The following EMC1 variants were observed in gnomAD, a reference collection of about 807,000 sequenced individuals.
EMC1 encodes the protein ER membrane protein complex subunit 1.
EMC1 carries 103 observed loss-of-function variants against 128.8 expected under a neutral mutation model. That is an observed-to-expected ratio of 0.80 (90% CI 0.68 to 0.94). The LOEUF is 0.94. Ranked by LOEUF, EMC1 falls within the 40% of genes least tolerant of loss-of-function variation. EMC1 has a pLI of 0.00. For missense variants in EMC1, 1,083 were observed against 1,250.6 expected (o/e 0.87, Z 2.02); for synonymous variants, 442 against 490.4 (o/e 0.90, Z 1.30).
chr1:19,236,105 G>A (rs1348818081), intron 12 of EMC1, among the ~76,000 whole-genome samples: 2 of 152,154 alleles, frequency 1.3e-5, no homozygotes, highest in East Asian at 3.9e-4. Flanking sequence ...GCCGGGCATA[G>A]TGGCTCATGC....
rs755969608 is a variant in EMC1, at chr1:19,227,445, G to A, written c.2070C>T (p.Leu690=). Reference sequence around the variant, plus strand: ...TCAGCTCCCAACTCAGCTCAGTGGTGAGATCCTAGGGCAGGGGCAAAAAAG... The same window carrying A: ...TCAGCTCCCAACTCAGCTCAGTGGTAAGATCCTAGGGCAGGGGCAAAAAAG... The part of the protein sequence containing the change: ...RLCGYRLRKD[L]TTELSWELTI... Residue 690 remains leucine (L), a synonymous_variant, in exon 18 of 23, where the codon CTC becomes CTT. Coordinates refer to ENST00000477853, the MANE Select transcript of EMC1 (RefSeq NM_015047.3). 2 of 1,614,184 alleles carry A rather than the reference G, an allele frequency of 1.2e-6. No homozygotes were observed. The highest frequency in any genetic ancestry group is 1.7e-6 in the Non-Finnish European group (2 of 1,180,026).
rs971300635 is a variant in EMC1, at chr1:19,223,511, C to G, written c.2261G>C (p.Arg754Pro). ...VTESTDAHHE[R>P]TFIGIFLIDG... ...AATGAGGAAGATGCCAATAAAGGTGCGCTCATGGTGCGCGTCTGTGCTCTC... is the reference window on the plus strand; with the variant it reads ...AATGAGGAAGATGCCAATAAAGGTGGGCTCATGGTGCGCGTCTGTGCTCTC... The change falls in exon 19 of 23, where the codon CGC (arginine) becomes CCC (proline). Residue 754 changes from arginine to proline, a missense_variant. By Grantham distance (103) the Arg-to-Pro change is moderately radical. Around this residue, in one of 3 missense-constraint regions of EMC1, gnomAD observed 527 missense variants for 644.1 expected, o/e 0.82. Coordinates refer to ENST00000477853, the MANE Select transcript of EMC1 (RefSeq NM_015047.3). 5.0e-6 allele frequency: 8 copies of G among 1,614,002 alleles called. No homozygotes were observed. The highest frequency in any genetic ancestry group is 6.8e-6 in the Non-Finnish European group (8 of 1,180,030).
At chr1:19,220,919 T>C in intron 20 of EMC1, 71 bp from the exon 21 acceptor site, 1 of 1,092,722 alleles carries the variant, frequency 9.2e-7, no homozygotes, top group South Asian at 1.4e-5. Flanking sequence ...AATGTCATTA[T>C]TGCAGACATT....
intron 15 of EMC1, among the ~76,000 whole-genome samples, chr1:19,232,324 G>A (rs2093529564): frequency 1.3e-5 from 2 of 152,172 alleles, no homozygotes; most frequent in African/African-American, 4.8e-5. Flanking sequence ...ATATCTTTGT[G>A]TCCTGCTCTT....
At chr1:19,227,533 A>G (rs1289090655) in intron 17 of EMC1, 83 bp from the exon 18 acceptor site, 1 of 1,507,582 alleles carries the variant, frequency 6.6e-7, no homozygotes, top group Non-Finnish European at 9.1e-7. Flanking sequence ...CCTACAGTTC[A>G]TTATTTGAGG....
chr1:19,242,537 C>A lies in EMC1; in HGVS notation c.381-64G>T. On this transcript the variant is annotated intron_variant, in intron 4 of 22. Transcript: ENST00000477853. ...AGAGCCTCAGGCTGGGAGAGACAGT[C>A]CAGAACAGTACCCACTGTTGCTTAG... 1.3e-6 allele frequency: 2 copies of A among 1,589,814 alleles called. 1 individual carries two copies. Among genetic ancestry groups the A allele is most frequent in the South Asian group, 2.2e-5 (2 of 89,588 alleles).
intron 5 of EMC1, 131 bp downstream of exon 5, chr1:19,242,214 C>A: frequency 1.1e-6 from 1 of 923,722 alleles, no homozygotes; most frequent in South Asian, 1.6e-5. Flanking sequence ...ATTCTGAGTG[C>A]AACACACTCC....
Position 19,219,202 on chromosome 1 carries a change from GAC to G in EMC1, c.*99_*100del. 69 of 1,175,820 alleles carry G rather than the reference GAC, an allele frequency of 5.9e-5. No individual in the cohort carries two copies. Among genetic ancestry groups the G allele is most frequent in the Non-Finnish European group, 7.6e-5 (61 of 805,374 alleles). The allele number at this position is 1,175,820 out of a possible 1,614,324, so 72.8% of individuals were successfully genotyped here. A position where few individuals can be genotyped will look rare whatever the true frequency, so the allele number is the denominator to read the frequency against. ...TCCCTACAGTTCTTAGCTGAGCACT[GAC>G]ACACACACATACTCCACCAATCCAC... On this transcript the variant is annotated 3_prime_UTR_variant, in exon 23 of 23. Coordinates refer to ENST00000477853, the MANE Select transcript of EMC1 (RefSeq NM_015047.3).
At chr1:19,223,695 C>G (rs1480635896) in intron 18 of EMC1, 126 bp from the exon 19 acceptor site, 5 of 823,026 alleles carry the variant, frequency 6.1e-6, no homozygotes, top group Admixed American at 5.4e-5. Context: ...GTGAAAAGAG[C>G]TTCCTGTTTG....
intron 1 of EMC1, among the ~76,000 whole-genome samples, chr1:19,248,592 G>A (rs150391675): frequency 2.6e-5 from 4 of 152,146 alleles, no homozygotes; most frequent in Non-Finnish European, 4.4e-5. Context: ...GCTAATTTTC[G>A]TATTTTTAGG....
chr1:19,237,059 G>A lies in EMC1; in HGVS notation c.1309+83C>T, dbSNP rs117485576. On this transcript the variant is annotated intron_variant, in intron 12 of 22. Coordinates refer to ENST00000477853, the MANE Select transcript of EMC1 (RefSeq NM_015047.3). The stretch of plus-strand genomic sequence containing the variant: ...CCACTTGAATCTCTTCCAGAAACCT[G>A]CAGCCTCCCAAAAAACAGTCTGATT... The A allele has an allele frequency of 1.2e-3, 1,211 of 968,828 alleles. 22 individuals are homozygous for A. In the East Asian group the frequency reaches 0.027, roughly 21 times the overall value. The allele number at this position is 968,828 out of a possible 1,614,324, so 60.0% of individuals were successfully genotyped here.
chr1:19,224,621 A>G (rs1338879202), intron 18 of EMC1, among the ~76,000 whole-genome samples: 1 of 152,148 alleles, frequency 6.6e-6, no homozygotes, highest in Admixed American at 6.6e-5. Context: ...CAGCACCTGG[A>G]TGACCCCACA....
chr1:19,251,152 G>A (rs544479349), intron 1 of EMC1, among the ~76,000 whole-genome samples: 92 of 152,212 alleles, frequency 6.0e-4, no homozygotes, highest in Non-Finnish European at 1.1e-3. Context: ...ATCTCTGACC[G>A]GCACCCCAAG....
chr1:19,238,144 G>T lies in EMC1; in HGVS notation c.1090-5C>A, dbSNP rs1389819473. The T allele has an allele frequency of 6.2e-7, 1 of 1,613,764 alleles. No homozygotes were observed. Among genetic ancestry groups the T allele is most frequent in the Non-Finnish European group, 8.5e-7 (1 of 1,179,912 alleles). ...ATTGAAGCAAGCCAGAGAGTCCTAG[G>T]AGTACAGACAGCACGTGTCAACTAC... On this transcript the variant is annotated splice_polypyrimidine_tract_variant and splice_region_variant and intron_variant, in intron 10 of 22. Coordinates refer to ENST00000477853, the MANE Select transcript of EMC1 (RefSeq NM_015047.3).
intron 8 of EMC1, 102 bp from the exon 9 acceptor site, chr1:19,239,404 A>G (rs1248032954): frequency 1.0e-6 from 1 of 994,236 alleles, no homozygotes; most frequent in Admixed American, 2.0e-5. Flanking sequence ...CTTAGAGTTG[A>G]AAGTGCTCCC....
At position 19,233,097 on chromosome 1, in the gene EMC1, G is replaced by A; in HGVS notation, c.1471C>T (p.Gln491Ter). 6.2e-7 allele frequency: 1 copy of A among 1,614,188 alleles called. No homozygotes were observed. The highest frequency in any genetic ancestry group is 8.5e-7 in the Non-Finnish European group (1 of 1,180,038). Residue 491 changes from glutamine (Q) to a stop codon, truncating the protein, a stop_gained, in exon 14 of 23, where the codon CAG becomes TAG. Transcript: ENST00000477853. LOFTEE classifies it high-confidence loss of function. ...LGMFLKRLSS[Q>*]LILLQAWTSH... ...GTCCATGCTTGCAGCAGGATAAGCT[G>A]AGACGAGAGGCGTTTCAGGAACATC...
Position 19,239,885 on chromosome 1 carries a change from G to C in EMC1, c.887C>G (p.Ser296Cys). The change falls in exon 8 of 23, where the codon TCC (serine) becomes TGC (cysteine). Residue 296 changes from serine to cysteine, a missense_variant. Physicochemically the swap from Ser to Cys is moderately radical, Grantham distance 112. This residue lies in a region of EMC1 where 544 missense variants were observed against 572.4 expected (regional missense o/e 0.95). Coordinates refer to ENST00000477853, the MANE Select transcript of EMC1 (RefSeq NM_015047.3). ...CTGCAGCAGAGCATAGTGGCTTGGG[G>C]ACAAGTGCAGGAAGAACTGGGCCCG... ...ASRAQFFLHL[S>C]PSHYALLQYH... is the part of the protein sequence containing the mutation. 1 of 1,614,174 alleles carries C rather than the reference G, an allele frequency of 6.2e-7. No individual in the cohort carries two copies. Among genetic ancestry groups the C allele is most frequent in the Non-Finnish European group, 8.5e-7 (1 of 1,180,018 alleles).
At chr1:19,227,798 C>T (rs557723618) in intron 17 of EMC1, among the ~76,000 whole-genome samples, 16 of 152,054 alleles carry the variant, frequency 1.1e-4, no homozygotes, top group Non-Finnish European at 2.2e-4. Flanking sequence ...GCTGAGATCA[C>T]GCCACTGCAC....
At chr1:19,226,977 T>C (rs889784546) in intron 18 of EMC1, among the ~76,000 whole-genome samples, 41 of 151,898 alleles carry the variant, frequency 2.7e-4, no homozygotes, top group African/African-American at 9.4e-4. Flanking sequence ...CAGTGAGCCA[T>C]GACTGCATCA....
Sources: allele counts gnomAD v4.1 joint callset (sites outside exome capture counted in the v4.1 genomes callset), GRCh38; gene constraint gnomAD v4.1.1; regional missense constraint gnomAD v4.1.1; transcripts MANE v1.5; gene names NCBI Gene and HGNC (gene_info 2026-07-23, HGNC 2026-07-21).